Variants in ENTREP2 observed in about 807,000 individuals in gnomAD.
The protein encoded by ENTREP2 is endosomal transmembrane epsin interactor 2, also known as protein ENTREP2.
the ENTREP2 span, among the ~76,000 whole-genome samples, chr15:29,665,428 G>A: frequency 6.6e-6 from 1 of 152,230 alleles, no homozygotes; most frequent in African/African-American, 2.4e-5. Flanking sequence ...CTAGAGGGGT[G>A]ACACAGATCA....
the ENTREP2 span, among the ~76,000 whole-genome samples, chr15:29,333,086 C>T: frequency 6.6e-6 from 1 of 152,014 alleles, no homozygotes; most frequent in African/African-American, 2.4e-5. Context: ...TCCGAAAATG[C>T]CCCCCTCAGA....
At chr15:29,122,342 G>A in the ENTREP2 span, 3 of 151,556 alleles carry the variant, frequency 2.0e-5, no homozygotes, top group South Asian at 2.2e-4. Flanking sequence ...TTCCCTTCTC[G>A]TGTGGGTTTG....
At chr15:29,635,852 G>T in the ENTREP2 span, among the ~76,000 whole-genome samples, 2 of 152,200 alleles carry the variant, frequency 1.3e-5, no homozygotes, top group African/African-American at 2.4e-5. Flanking sequence ...GCAAGGAAAA[G>T]ATTTGTCTAA....
chr15:29,454,753 C>T, the ENTREP2 span, among the ~76,000 whole-genome samples: 2 of 152,114 alleles, frequency 1.3e-5, no homozygotes, highest in Non-Finnish European at 2.9e-5. Context: ...CTGGAGATGA[C>T]GCAGCTCCAG....
chr15:29,556,123 G>T, the ENTREP2 span, among the ~76,000 whole-genome samples: 1 of 152,270 alleles, frequency 6.6e-6, no homozygotes, highest in East Asian at 1.9e-4. Flanking sequence ...GCCGGGAGTG[G>T]TGGCATGCCA....
chr15:29,469,477 G>C, the ENTREP2 span, among the ~76,000 whole-genome samples: 2 of 152,350 alleles, frequency 1.3e-5, no homozygotes, highest in Middle Eastern at 6.8e-3. Flanking sequence ...TAGGATTACA[G>C]GCATGAGCCA....
chr15:29,317,871 G>A, the ENTREP2 span, among the ~76,000 whole-genome samples: 1 of 152,170 alleles, frequency 6.6e-6, no homozygotes, highest in Non-Finnish European at 1.5e-5. Flanking sequence ...GAGGCGGGAG[G>A]CTGTGGTGAG....
chr15:29,458,922 T>C, the ENTREP2 span, among the ~76,000 whole-genome samples: 93,900 of 151,978 alleles, frequency 0.62, 29,156 homozygotes, highest in South Asian at 0.66. Context: ...TATCCAGAGC[T>C]AGGACTTGCT....
At chr15:29,175,859 G>A in the ENTREP2 span, among the ~76,000 whole-genome samples, 1 of 152,206 alleles carries the variant, frequency 6.6e-6, no homozygotes. Flanking sequence ...ACCCGCCTTG[G>A]CCTCCCAAAG....
At chr15:29,655,436 C>T in the ENTREP2 span, among the ~76,000 whole-genome samples, 3 of 152,270 alleles carry the variant, frequency 2.0e-5, no homozygotes, top group East Asian at 3.9e-4. Flanking sequence ...TGTAAAACGC[C>T]GTTCATTTTA....
the ENTREP2 span, among the ~76,000 whole-genome samples, chr15:29,317,134 C>A: frequency 6.6e-6 from 1 of 152,098 alleles, no homozygotes; most frequent in South Asian, 2.1e-4. Context: ...AATAGCAATA[C>A]TAGAATAGAA....
the ENTREP2 span, among the ~76,000 whole-genome samples, chr15:29,430,214 C>G: frequency 6.6e-6 from 1 of 152,168 alleles, no homozygotes; most frequent in African/African-American, 2.4e-5. Flanking sequence ...ATGGCTGGCT[C>G]CACTCATCCT....
the ENTREP2 span, among the ~76,000 whole-genome samples, chr15:29,456,067 G>C: frequency 6.6e-6 from 1 of 152,182 alleles, no homozygotes; most frequent in East Asian, 1.9e-4. Context: ...TACAATAAAC[G>C]TAATGTGCTT....
chr15:29,497,881 C>T, the ENTREP2 span, among the ~76,000 whole-genome samples: 37 of 152,034 alleles, frequency 2.4e-4, no homozygotes, highest in Non-Finnish European at 3.8e-4. Flanking sequence ...TATTTGAGAT[C>T]TTTCATTTTT....
At chr15:29,636,203 G>A in the ENTREP2 span, among the ~76,000 whole-genome samples, 3 of 152,162 alleles carry the variant, frequency 2.0e-5, no homozygotes, top group South Asian at 2.1e-4. Context: ...ATCTCGTCGC[G>A]TGTGGCCATT....
chr15:29,437,804 A>G, the ENTREP2 span, among the ~76,000 whole-genome samples: 6 of 152,202 alleles, frequency 3.9e-5, no homozygotes, highest in African/African-American at 1.4e-4. Flanking sequence ...TAGTGAAAAA[A>G]GTGGTGTCCT....
the ENTREP2 span, among the ~76,000 whole-genome samples, chr15:29,553,999 A>T: frequency 1.3e-5 from 2 of 152,182 alleles, no homozygotes; most frequent in Non-Finnish European, 2.9e-5. Context: ...ATGTTACAAC[A>T]GTAACTGGAA....
chr15:29,135,142 C>T, the ENTREP2 span, among the ~76,000 whole-genome samples: 2 of 150,758 alleles, frequency 1.3e-5, no homozygotes, highest in Admixed American at 6.6e-5. This position sits in a 1 kb window ranked among gnomAD's most constrained non-coding sequence, Gnocchi z 7.4. Context: ...GGTGAATCTG[C>T]AAGTCTCCCC....
the ENTREP2 span, among the ~76,000 whole-genome samples, chr15:29,189,332 G>C: frequency 6.6e-6 from 1 of 152,086 alleles, no homozygotes. Flanking sequence ...ATGGTTTGGT[G>C]TATGGGGGAA....
Sources: allele counts gnomAD v4.1 joint callset (sites outside exome capture counted in the v4.1 genomes callset), GRCh38; gene constraint gnomAD v4.1.1; non-coding constraint Gnocchi (gnomAD v3.1); transcripts MANE v1.5; gene names NCBI Gene and HGNC (gene_info 2026-07-23, HGNC 2026-07-21).